DPP10: variants seen among roughly 807,000 people sequenced by gnomAD.
DPP10 encodes the protein inactive dipeptidyl peptidase 10.
A neutral mutation model predicts 120.9 loss-of-function variants in DPP10; 33 were observed. The observed-to-expected ratio is 0.27, with a 90% CI of 0.21 to 0.37. The LOEUF is 0.37. Among genes scored for constraint, DPP10 ranks in the 10% least tolerant of loss-of-function variants. DPP10 has a pLI of 1.00. For missense variants in DPP10, 816 were observed against 942.8 expected (o/e 0.87, Z 1.76); for synonymous variants, 337 against 326.1 (o/e 1.03, Z -0.36).
At chr2:115,620,231 T>C (rs1420636518) in intron 5 of DPP10, among the ~76,000 whole-genome samples, 1 of 152,192 alleles carries the variant, frequency 6.6e-6, no homozygotes, top group African/African-American at 2.4e-5. Context: ...GTGATCTTTC[T>C]ACACTTTTTA....
At chr2:115,448,149 T>C (rs1450468020) in intron 3 of DPP10, among the ~76,000 whole-genome samples, 1 of 152,112 alleles carries the variant, frequency 6.6e-6, no homozygotes, top group Non-Finnish European at 1.5e-5. Context: ...GGTGAAGTTT[T>C]GGAAAATACA....
At chr2:115,661,148 A>T (rs1413713334) in intron 5 of DPP10, among the ~76,000 whole-genome samples, 2 of 151,886 alleles carry the variant, frequency 1.3e-5, no homozygotes, top group African/African-American at 4.8e-5. Context: ...ACCAGGTTTC[A>T]CCATCTTGGC....
intron 3 of DPP10, among the ~76,000 whole-genome samples, chr2:115,364,966 G>A (rs146508273): frequency 5.0e-4 from 76 of 151,946 alleles, no homozygotes; most frequent in Admixed American, 4.7e-3. Context: ...CTTAATTTTC[G>A]TTTAACAAAA....
At chr2:114,731,684 C>T (rs1676928249) in intron 1 of DPP10, among the ~76,000 whole-genome samples, 4 of 152,096 alleles carry the variant, frequency 2.6e-5, no homozygotes, top group Admixed American at 2.6e-4. Context: ...GTGTGTTGGT[C>T]ATAGGAGGTG....
At chr2:115,800,688 A>G (rs1008449041) in intron 19 of DPP10, among the ~76,000 whole-genome samples, 1 of 152,212 alleles carries the variant, frequency 6.6e-6, no homozygotes, top group Non-Finnish European at 1.5e-5. Context: ...TTTGTTAAAT[A>G]GGGAATCCTT....
intron 1 of DPP10, among the ~76,000 whole-genome samples, chr2:115,167,260 G>GAA (rs563385836): frequency 1.9e-3 from 248 of 132,426 alleles, no homozygotes; most frequent in Non-Finnish European, 3.2e-3. Flanking sequence ...AGACAAAATA[G>GAA]AAAAAAAAAA....
intron 3 of DPP10, among the ~76,000 whole-genome samples, chr2:115,483,895 T>C (rs909493811): frequency 1.2e-4 from 18 of 152,044 alleles, no homozygotes; most frequent in African/African-American, 4.1e-4. Context: ...CAACATGTTT[T>C]TCCCCCTCTC....
At chr2:115,264,658 A>G (rs146364115) in intron 1 of DPP10, among the ~76,000 whole-genome samples, 1 of 152,332 alleles carries the variant, frequency 6.6e-6, no homozygotes, top group African/African-American at 2.4e-5. Context: ...GGTAATTTGC[A>G]TTATTTTGGA....
chr2:114,700,824 G>C (rs996236097), intron 1 of DPP10, among the ~76,000 whole-genome samples: 2 of 152,052 alleles, frequency 1.3e-5, no homozygotes, highest in Middle Eastern at 3.4e-3. Flanking sequence ...CTTTTTGTTT[G>C]CCTGTCCTAC....
intron 7 of DPP10, among the ~76,000 whole-genome samples, chr2:115,698,313 G>A (rs2091706087): frequency 6.6e-6 from 1 of 152,054 alleles, no homozygotes; most frequent in Admixed American, 6.6e-5. Context: ...TAGAGATGAA[G>A]TAAAATGAAA....
At chr2:114,653,831 A>C (rs998472567) in intron 1 of DPP10, among the ~76,000 whole-genome samples, 1 of 152,204 alleles carries the variant, frequency 6.6e-6, no homozygotes, top group South Asian at 2.1e-4. Flanking sequence ...TAAATAAAAT[A>C]CTGGACATGC....
At chr2:114,753,867 C>G (rs1047093877) in intron 1 of DPP10, among the ~76,000 whole-genome samples, 1 of 143,168 alleles carries the variant, frequency 7.0e-6, no homozygotes, top group Non-Finnish European at 1.5e-5. Flanking sequence ...CCAGATGGCG[C>G]CACTGAACTC....
intron 1 of DPP10, among the ~76,000 whole-genome samples, chr2:115,098,177 G>A (rs549100712): frequency 6.6e-6 from 1 of 152,242 alleles, no homozygotes; most frequent in African/African-American, 2.4e-5. Flanking sequence ...CCTTGGCTGA[G>A]GACAATTCCC....
rs552302290 is a variant in DPP10 at position 114,546,318 on chromosome 2, G to T, written c.60+103480G>T. On this transcript the variant is annotated intron_variant, in intron 1 of 25. Transcript: ENST00000410059. The stretch of plus-strand genomic sequence containing the variant: ...GACTTGGTGTTGAAAGCAAGAGCAA[G>T]TGGGGAGGTACCACACAGTTTTAAA... 2.0e-5 allele frequency among the ~76,000 whole-genome samples: 3 copies of T among 152,288 alleles called. No individual in the cohort carries two copies. The South Asian group carries it at 6.2e-4, about 32-fold the overall frequency.
chr2:115,447,236 C>T (rs774066796), intron 3 of DPP10, among the ~76,000 whole-genome samples: 7 of 152,180 alleles, frequency 4.6e-5, no homozygotes, highest in Non-Finnish European at 7.3e-5. Flanking sequence ...GCCAATTTCT[C>T]CCATTTGAAA....
intron 4 of DPP10, among the ~76,000 whole-genome samples, chr2:115,503,183 G>A (rs1228679468): frequency 1.3e-5 from 2 of 152,078 alleles, no homozygotes; most frequent in Non-Finnish European, 2.9e-5. Flanking sequence ...TGTTAGTTAC[G>A]TATTCATTGG....
At chr2:115,254,042 C>G (rs1045745504) in intron 1 of DPP10, among the ~76,000 whole-genome samples, 11 of 151,816 alleles carry the variant, frequency 7.2e-5, no homozygotes, top group African/African-American at 2.7e-4. Flanking sequence ...CTTCTTAACT[C>G]TTGTACTCTG....
chr2:114,614,108 A>T (rs1243444352), intron 1 of DPP10, among the ~76,000 whole-genome samples: 1 of 152,176 alleles, frequency 6.6e-6, no homozygotes, highest in Non-Finnish European at 1.5e-5. Context: ...CACATTCTGC[A>T]TATGTATCCC....
intron 1 of DPP10, among the ~76,000 whole-genome samples, chr2:114,480,833 T>C (rs551379325): frequency 6.6e-6 from 1 of 151,786 alleles, no homozygotes; most frequent in African/African-American, 2.4e-5. Flanking sequence ...GTTGTGCACA[T>C]GTACCCTAGA....
Sources: allele counts gnomAD v4.1 joint callset (sites outside exome capture counted in the v4.1 genomes callset), GRCh38; gene constraint gnomAD v4.1.1; transcripts MANE v1.5; gene names NCBI Gene and HGNC (gene_info 2026-07-23, HGNC 2026-07-21).